CYP39A1: variants seen among roughly 807,000 people sequenced by gnomAD.
CYP39A1 encodes the protein 24-hydroxycholesterol 7-alpha-hydroxylase.
CYP39A1 carries 49 observed loss-of-function variants against 58.1 expected under a neutral mutation model. The observed-to-expected ratio is 0.84, with a 90% CI of 0.67 to 1.07. The LOEUF (loss-of-function observed/expected upper bound fraction) is 1.07. Among genes scored for constraint, CYP39A1 ranks in the 50% least tolerant of loss-of-function variants. The pLI is 0.00. For missense variants in CYP39A1, 531 were observed against 539.4 expected (o/e 0.98, Z 0.16); for synonymous variants, 209 against 187.6 (o/e 1.11, Z -0.93).
intron 7 of CYP39A1, among the ~76,000 whole-genome samples, chr6:46,603,198 T>C (rs982088470): frequency 3.3e-5 from 5 of 152,184 alleles, no homozygotes; most frequent in Non-Finnish European, 7.3e-5. Context: ...TGAAGTTTTA[T>C]TGGAAATGTG....
chr6:46,637,238 C>T (rs1198703003), intron 4 of CYP39A1, among the ~76,000 whole-genome samples: 1 of 152,198 alleles, frequency 6.6e-6, no homozygotes, highest in East Asian at 1.9e-4. Context: ...CATGCTGGCA[C>T]CCTCATCTCA....
intron 7 of CYP39A1, among the ~76,000 whole-genome samples, chr6:46,617,286 C>G (rs7356862): frequency 6.6e-6 from 1 of 151,888 alleles, no homozygotes; most frequent in Non-Finnish European, 1.5e-5. Context: ...AGTTTTATAA[C>G]TATATTAGAA....
intron 3 of CYP39A1, among the ~76,000 whole-genome samples, chr6:46,638,862 G>A (rs751226757): frequency 4.9e-4 from 74 of 152,126 alleles, no homozygotes; most frequent in Non-Finnish European, 6.9e-4. Flanking sequence ...TTATGCATGT[G>A]GGAAATTTTC....
chr6:46,605,221 C>A (rs553513832), intron 7 of CYP39A1, among the ~76,000 whole-genome samples: 1 of 152,094 alleles, frequency 6.6e-6, no homozygotes, highest in South Asian at 2.1e-4. Context: ...TATGTTAGAA[C>A]CCCTGAATGT....
intron 3 of CYP39A1, among the ~76,000 whole-genome samples, chr6:46,638,564 A>C (rs1582456968): frequency 1.3e-5 from 2 of 152,316 alleles, no homozygotes; most frequent in South Asian, 2.1e-4. Context: ...CTGTTTATTT[A>C]ATTTTTATTT....
intron 7 of CYP39A1, among the ~76,000 whole-genome samples, chr6:46,603,603 T>C (rs1437481795): frequency 6.6e-6 from 1 of 152,196 alleles, no homozygotes; most frequent in Admixed American, 6.5e-5. Context: ...CAAATGTCCC[T>C]GTGGTTTTGT....
At chr6:46,600,222 A>G (rs942369562) in intron 7 of CYP39A1, among the ~76,000 whole-genome samples, 4 of 151,842 alleles carry the variant, frequency 2.6e-5, no homozygotes, top group African/African-American at 9.7e-5. Context: ...TCTGACTCCC[A>G]GGTTCAAGCG....
chr6:46,638,010 C>T (rs1339132117), intron 3 of CYP39A1, 32 bp from the exon 4 acceptor site: 1 of 1,572,036 alleles, frequency 6.4e-7, no homozygotes, highest in Admixed American at 2.1e-5. Context: ...AAAAGTCAGA[C>T]CCGAAGACCA....
Position 46,572,070 on chromosome 6 carries a change from T to G in CYP39A1, c.1250+15007A>C, listed in dbSNP as rs115662500. ...ATTTTACTTCTCTCCTACCCCCACA[T>G]GCATTATATGTTTTTGATGTCACAA... On this transcript the variant is annotated intron_variant, in intron 10 of 11. Coordinates refer to ENST00000275016, the MANE Select transcript of CYP39A1 (RefSeq NM_016593.5). Among the ~76,000 whole-genome samples, 4 of 152,110 alleles carry G rather than the reference T, an allele frequency of 2.6e-5. No homozygotes were observed. In the East Asian group the frequency reaches 7.7e-4, roughly 29 times the overall value.
chr6:46,580,466 C>A (rs774449503), intron 10 of CYP39A1, among the ~76,000 whole-genome samples: 4 of 152,138 alleles, frequency 2.6e-5, no homozygotes, highest in Non-Finnish European at 5.9e-5. Flanking sequence ...ATGATAAAGT[C>A]TCCAAAAGCC....
intron 10 of CYP39A1, among the ~76,000 whole-genome samples, chr6:46,579,957 T>C (rs1334726736): frequency 6.6e-6 from 1 of 152,116 alleles, no homozygotes; most frequent in Non-Finnish European, 1.5e-5. Flanking sequence ...TCAATGCTAT[T>C]CCTATCAAAC....
intron 7 of CYP39A1, 76 bp from the exon 8 acceptor site, chr6:46,596,196 AG>A (rs1773148033): frequency 8.7e-7 from 1 of 1,149,212 alleles, no homozygotes; most frequent in African/African-American, 1.6e-5. Context: ...TCATCAGCAG[AG>A]GTTAGATGTT....
intron 7 of CYP39A1, 145 bp from the exon 8 acceptor site, chr6:46,596,265 T>A: frequency 5.4e-6 from 3 of 553,696 alleles, no homozygotes; most frequent in Non-Finnish European, 9.2e-6. Context: ...GTTTAGTCAT[T>A]AATTGCCTCT....
chr6:46,602,498 T>C (rs945712709), intron 7 of CYP39A1, among the ~76,000 whole-genome samples: 1 of 151,816 alleles, frequency 6.6e-6, no homozygotes, highest in Non-Finnish European at 1.5e-5. Context: ...ATGCTCTTGG[T>C]CCAGGTACCA....
intron 10 of CYP39A1, among the ~76,000 whole-genome samples, chr6:46,565,036 C>T (rs115599566): frequency 6.6e-6 from 1 of 152,228 alleles, no homozygotes; most frequent in Non-Finnish European, 1.5e-5. Context: ...AATTTTAGTG[C>T]ATCAGAATCA....
rs1300217652 is a variant in CYP39A1, at chr6:46,652,788, CTT to C, written c.-208_-207del. The C allele has an allele frequency of 2.0e-6, 1 of 508,250 alleles. No homozygotes were observed. Among genetic ancestry groups the C allele is most frequent in the African/African-American group, 2.0e-5 (1 of 50,704 alleles). The allele number at this position is 508,250 out of a possible 1,614,324, so 31.5% of individuals were successfully genotyped here. On this transcript the variant is annotated 5_prime_UTR_variant, in exon 1 of 12. Coordinates refer to ENST00000275016, the MANE Select transcript of CYP39A1 (RefSeq NM_016593.5). ...GTCGCTCCCTCCCACCTCCACTTCT[CTT>C]TGAATCTCAGCCAGCGCGGAAAAAA...
At chr6:46,650,332 A>G (rs1762599490) in intron 1 of CYP39A1, among the ~76,000 whole-genome samples, 1 of 149,994 alleles carries the variant, frequency 6.7e-6, no homozygotes, top group South Asian at 2.1e-4. Context: ...ATGAAGGTTG[A>G]GGTTTGTGTG....
chr6:46,562,310 A>G (rs935164076), intron 10 of CYP39A1, among the ~76,000 whole-genome samples: 19 of 152,092 alleles, frequency 1.2e-4, no homozygotes, highest in African/African-American at 4.1e-4. Flanking sequence ...GGCATGAGCC[A>G]CTGTGTCCAG....
At chr6:46,564,180 ATTCTAT>A (rs879287292) in intron 10 of CYP39A1, among the ~76,000 whole-genome samples, 20,030 of 138,862 alleles carry the variant, frequency 0.14, 3,641 homozygotes, top group African/African-American at 0.41. Flanking sequence ...ATTCTATTTT[ATTCTAT>A]TTTATTTTAT....
Sources: allele counts gnomAD v4.1 joint callset (sites outside exome capture counted in the v4.1 genomes callset), GRCh38; gene constraint gnomAD v4.1.1; transcripts MANE v1.5; gene names NCBI Gene and HGNC (gene_info 2026-07-23, HGNC 2026-07-21).